LRRC36: variants seen among roughly 807,000 people sequenced by gnomAD.
LRRC36 encodes leucine-rich repeat-containing protein 36.
Under a neutral mutation model 81.1 loss-of-function variants are expected in LRRC36, and 62 were observed. The observed-to-expected ratio is 0.76, with a 90% CI of 0.62 to 0.94. LRRC36 has a LOEUF of 0.94. LRRC36 is among the 40% of genes least tolerant of loss of function. The probability of loss-of-function intolerance (pLI) is 0.00; values close to 1 mark genes in which losing one functional copy is unlikely to be tolerated. For synonymous variants in LRRC36, 334 were observed against 348.6 expected (o/e 0.96, Z 0.47); for missense variants, 761 against 881.7 (o/e 0.86, Z 1.73).
chr16:67,359,401 C>G (rs958815555), intron 5 of LRRC36, among the ~76,000 whole-genome samples: 5 of 152,028 alleles, frequency 3.3e-5, no homozygotes, highest in South Asian at 4.1e-4. Flanking sequence ...TTGTATGATT[C>G]CATTTATATA....
At chr16:67,376,128 T>A (rs2039882082) in intron 10 of LRRC36, among the ~76,000 whole-genome samples, 1 of 152,012 alleles carries the variant, frequency 6.6e-6, no homozygotes, top group Non-Finnish European at 1.5e-5. Flanking sequence ...GCCAACATGG[T>A]GAAACCCTGT....
intron 5 of LRRC36, among the ~76,000 whole-genome samples, chr16:67,357,301 A>G (rs2142064324): frequency 6.6e-6 from 1 of 152,354 alleles, no homozygotes; most frequent in South Asian, 2.1e-4. Flanking sequence ...TGGGAAAAAA[A>G]CCACCTCACC....
chr16:67,359,541 T>C (rs1359415666), intron 5 of LRRC36, among the ~76,000 whole-genome samples: 2 of 152,292 alleles, frequency 1.3e-5, no homozygotes, highest in East Asian at 3.9e-4. Context: ...ATTCTAGAAT[T>C]AGATAGTGGT....
intron 6 of LRRC36, among the ~76,000 whole-genome samples, chr16:67,364,355 T>G (rs1351372617): frequency 1.3e-5 from 2 of 152,238 alleles, no homozygotes; most frequent in African/African-American, 4.8e-5. Flanking sequence ...TATATTCACC[T>G]TCTCCCTTTC....
At chr16:67,368,369 T>C (rs1214969656) in intron 8 of LRRC36, among the ~76,000 whole-genome samples, 1 of 152,172 alleles carries the variant, frequency 6.6e-6, no homozygotes, top group Admixed American at 6.5e-5. Context: ...GAGGAGGCGA[T>C]GCTTTAGATA....
At chr16:67,332,412 G>C (rs2037538419) in intron 1 of LRRC36, among the ~76,000 whole-genome samples, 1 of 152,080 alleles carries the variant, frequency 6.6e-6, no homozygotes, top group Non-Finnish European at 1.5e-5. Context: ...AAATTAGCTG[G>C]GCATGGTGGT....
intron 4 of LRRC36, among the ~76,000 whole-genome samples, chr16:67,348,153 A>AT (rs2038442403): frequency 6.6e-6 from 1 of 152,184 alleles, no homozygotes; most frequent in African/African-American, 2.4e-5. Context: ...TAGTTTTATT[A>AT]TTTTTTAAAA....
chr16:67,363,775 G>A (rs1313508460), intron 6 of LRRC36, 61 bp downstream of exon 6: 43 of 1,560,148 alleles, frequency 2.8e-5, no homozygotes, highest in Non-Finnish European at 3.8e-5. Flanking sequence ...TGATAATTCA[G>A]TGGGCTCTCA....
chr16:67,364,002 G>GT (rs2039276845), intron 6 of LRRC36, among the ~76,000 whole-genome samples: 1 of 152,106 alleles, frequency 6.6e-6, no homozygotes, highest in African/African-American at 2.4e-5. Context: ...GAATGCAACT[G>GT]TTACAGTTTT....
chr16:67,341,296 TCTATAGACTATAGA>T (rs144594333), intron 1 of LRRC36, among the ~76,000 whole-genome samples: 1 of 139,110 alleles, frequency 7.2e-6, no homozygotes, highest in African/African-American at 2.8e-5. Context: ...CTATAGACAG[TCTATAGACTATAGA>T]CTATAGACTA....
chr16:67,362,119 C>G (rs2039176411), intron 5 of LRRC36: 1 of 379,286 alleles, frequency 2.6e-6, no homozygotes, highest in Non-Finnish European at 5.1e-6. Context: ...AAAAACAAAT[C>G]TCACACAAAA....
At position 67,385,077 on chromosome 16, in the gene LRRC36, G is replaced by A; in HGVS notation, c.2253G>A (p.Glu751=). Residue 751 remains glutamate, a synonymous_variant, in exon 14 of 14, where the codon GAG becomes GAA. Coordinates refer to ENST00000329956, the MANE Select transcript of LRRC36 (RefSeq NM_018296.6). ...LIQSVLDAAP[E]PGL is the part of the protein sequence containing the mutation. ...AGAGCGTCTTGGATGCTGCCCCAGA[G>A]CCTGGCTTATAGAGCTAGCATGGAA... is the stretch of plus-strand genomic sequence containing the variant. 6.2e-7 allele frequency: 1 copy of A among 1,613,694 alleles called. No individual in the cohort carries two copies. The highest frequency in any genetic ancestry group is 1.7e-5 in the Admixed American group (1 of 60,028).
In LRRC36 at chr16:67,384,888, T is replaced by C; in HGVS notation, c.2064T>C (p.Asn688=). 1 of 1,614,144 alleles carries C rather than the reference T, an allele frequency of 6.2e-7. No homozygotes were observed. Among genetic ancestry groups the C allele is most frequent in the Non-Finnish European group, 8.5e-7 (1 of 1,179,960 alleles). The change falls in exon 14 of 14, where the codon AAT becomes AAC. Residue 688 remains asparagine, a synonymous_variant. Coordinates refer to ENST00000329956, the MANE Select transcript of LRRC36 (RefSeq NM_018296.6). ...HESQRSLVVT[N]EYLLQQLNKE... ...GCCTCAGATCCCTGGTGGTAACTAATGAGTATCTGCTGCAGCAGCTGAATA... is the reference window on the plus strand; with the variant it reads ...GCCTCAGATCCCTGGTGGTAACTAACGAGTATCTGCTGCAGCAGCTGAATA...
chr16:67,336,247 G>A lies in LRRC36; in HGVS notation c.71-5710G>A, dbSNP rs2037756494. On this transcript the variant is annotated intron_variant, in intron 1 of 13. Coordinates refer to ENST00000329956, the MANE Select transcript of LRRC36 (RefSeq NM_018296.6). ...TTGCTTATCCATTTACCTATTGAAG[G>A]ACATCTTGGTTGCTCCCAAGTTTTG... Among the ~76,000 whole-genome samples, 15 of 152,186 alleles carry A rather than the reference G, an allele frequency of 9.9e-5. 1 individual carries two copies. The highest frequency in any genetic ancestry group is 9.8e-4 in the Admixed American group (15 of 15,280).
intron 12 of LRRC36, among the ~76,000 whole-genome samples, chr16:67,379,302 G>C (rs1361690785): frequency 6.6e-6 from 1 of 152,052 alleles, no homozygotes; most frequent in African/African-American, 2.4e-5. Context: ...TGCACCTATA[G>C]AGCCAAAGAG....
intron 13 of LRRC36, among the ~76,000 whole-genome samples, chr16:67,382,998 G>C (rs945369673): frequency 6.7e-6 from 1 of 150,344 alleles, no homozygotes; most frequent in Admixed American, 6.6e-5. Flanking sequence ...ACTTGATCTT[G>C]GGAGGCGGAG....
chr16:67,331,365 A>G (rs1161818317), intron 1 of LRRC36, among the ~76,000 whole-genome samples: 1 of 151,948 alleles, frequency 6.6e-6, no homozygotes, highest in East Asian at 1.9e-4. Context: ...CTCTACAAAA[A>G]ATTTAAAAAT....
In LRRC36 at chr16:67,367,014, T is replaced by C. The variant is rs1467345931; in HGVS notation, c.755-3T>C. On this transcript the variant is annotated splice_polypyrimidine_tract_variant and splice_region_variant and intron_variant, in intron 7 of 13. Coordinates refer to ENST00000329956, the MANE Select transcript of LRRC36 (RefSeq NM_018296.6). ...TTTGTTTTTTTGCCTTGGTGGTGTT[T>C]AGAGTTCAGACACTACTCGCCTCGT... The C allele has an allele frequency of 5.7e-6, 9 of 1,588,002 alleles. No homozygotes were observed. In the Middle Eastern group the frequency reaches 5.1e-4, roughly 89 times the overall value.
intron 10 of LRRC36, 120 bp from the exon 11 acceptor site, chr16:67,376,607 C>T: frequency 9.9e-7 from 1 of 1,006,164 alleles, no homozygotes; most frequent in Non-Finnish European, 1.5e-6. Context: ...TTACTAAGTT[C>T]TGGTAAAAAG....
Sources: allele counts gnomAD v4.1 joint callset (sites outside exome capture counted in the v4.1 genomes callset), GRCh38; gene constraint gnomAD v4.1.1; transcripts MANE v1.5; gene names NCBI Gene and HGNC (gene_info 2026-07-23, HGNC 2026-07-21).